The following DIABLO variants were observed in gnomAD, a reference collection of about 807,000 sequenced individuals.
DIABLO encodes the protein diablo IAP-binding mitochondrial protein.
Under a neutral mutation model 31.7 loss-of-function variants are expected in DIABLO, and 32 were observed. The observed-to-expected ratio is 1.01, with a 90% CI of 0.76 to 1.35. The LOEUF (loss-of-function observed/expected upper bound fraction) is 1.35. DIABLO is among the 40% of genes most tolerant of loss of function. The pLI, the probability that DIABLO is intolerant of heterozygous loss-of-function variation, is 0.00. For synonymous variants in DIABLO, 132 were observed against 103.2 expected, an observed-to-expected ratio of 1.28 and a Z score of -1.69; for missense variants, 316 against 286.4, an observed-to-expected ratio of 1.10 and a Z score of -0.75.
rs890603158 is a variant in DIABLO at position 122,214,116 on chromosome 12, CA to C, written c.523+2371del. Among the ~76,000 whole-genome samples, 3 of 151,804 alleles carry C rather than the reference CA, an allele frequency of 2.0e-5. 1 individual carries two copies. Among genetic ancestry groups the C allele is most frequent in the Non-Finnish European group, 2.9e-5 (2 of 67,900 alleles). ...AAACAAACAAAAAAACTAACAACAACAAAAAAAACCTTCTAAAAGAATTATT... is the reference window on the plus strand; with the variant it reads ...AAACAAACAAAAAAACTAACAACAACAAAAAAACCTTCTAAAAGAATTATT... On this transcript the variant is annotated intron_variant, in intron 5 of 5. Coordinates refer to ENST00000464942, the MANE Select transcript of DIABLO (RefSeq NM_001371333.1).
At chr12:122,210,547 AT>A (rs1006076034) in intron 5 of DIABLO, among the ~76,000 whole-genome samples, 1 of 150,706 alleles carries the variant, frequency 6.6e-6, no homozygotes, top group African/African-American at 2.4e-5. Flanking sequence ...TTATTTATTT[AT>A]TTTTTTTATT....
intron 5 of DIABLO, among the ~76,000 whole-genome samples, chr12:122,215,514 G>C (rs1315666215): frequency 6.6e-6 from 1 of 152,172 alleles, no homozygotes; most frequent in Non-Finnish European, 1.5e-5. Flanking sequence ...TGAGGCAGGA[G>C]AATCACTTGA....
chr12:122,209,772 C>A (rs1471168121), intron 5 of DIABLO: 3 of 703,272 alleles, frequency 4.3e-6, no homozygotes, highest in Admixed American at 2.0e-5. Context: ...TTTGATCTTA[C>A]TGCATTAACA....
intron 5 of DIABLO, among the ~76,000 whole-genome samples, chr12:122,215,821 G>A (rs1023471676): frequency 1.4e-5 from 2 of 143,330 alleles, no homozygotes; most frequent in African/African-American, 5.1e-5. Flanking sequence ...TAGACTGCTT[G>A]AGCCTAGGAT....
Position 122,208,317 on chromosome 12 carries a change from G to T in DIABLO, c.*64C>A, listed in dbSNP as rs775246254. ...GCACAGACAGTCATGCCAACCCTGG[G>T]CAGGGTGGCATCTGCCCCTGCTTTC... is the stretch of plus-strand genomic sequence containing the variant. On this transcript the variant is annotated 3_prime_UTR_variant, in exon 6 of 6. Transcript: ENST00000464942. The T allele has an allele frequency of 2.5e-6, 4 of 1,570,942 alleles. No individual in the cohort carries two copies. Among genetic ancestry groups the T allele is most frequent in the Non-Finnish European group, 3.5e-6 (4 of 1,148,962 alleles).
chr12:122,208,404 C>A lies in DIABLO; in HGVS notation c.697G>T (p.Glu233Ter). 1 of 1,612,860 alleles carries A rather than the reference C, an allele frequency of 6.2e-7. No individual in the cohort carries two copies. The highest frequency in any genetic ancestry group is 2.2e-5 in the East Asian group (1 of 44,888). ...EGEERAESEQ[E>*]AYLRED ...CCTCAATCCTCACGCAGGTAGGCCT[C>A]CTGCTCCGACTCAGCCCGCTCCTCC... The change falls in exon 6 of 6, where the codon GAG (glutamate) becomes TAG (stop). Residue 233 changes from glutamate to a stop codon, truncating the protein, a stop_gained. Transcript: ENST00000464942. LOFTEE classifies it high-confidence loss of function.
At chr12:122,224,366 C>A in intron 2 of DIABLO, 146 bp downstream of exon 2, 3 of 1,186,546 alleles carry the variant, frequency 2.5e-6, no homozygotes, top group Non-Finnish European at 3.7e-6. Flanking sequence ...AATATATCTG[C>A]TCAACTGTGA....
intron 5 of DIABLO, chr12:122,208,882 T>G (rs1477793453): frequency 4.5e-5 from 20 of 443,296 alleles, no homozygotes; most frequent in Non-Finnish European, 7.3e-5. Flanking sequence ...TTGATTAATT[T>G]TTTTAACTAC....
At chr12:122,216,666 A>G in intron 4 of DIABLO, 82 bp from the exon 5 acceptor site, 1 of 1,547,624 alleles carries the variant, frequency 6.5e-7, no homozygotes, top group Non-Finnish European at 8.9e-7. Context: ...GATTTAGAGA[A>G]CACTGATTAT....
intron 5 of DIABLO, among the ~76,000 whole-genome samples, chr12:122,215,465 G>A (rs1387015866): frequency 2.6e-5 from 4 of 152,068 alleles, no homozygotes; most frequent in South Asian, 2.1e-4. Context: ...CTAGCTGGGC[G>A]TGGTGGCGGG....
chr12:122,216,358 T>C (rs1334176325), intron 5 of DIABLO, 130 bp downstream of exon 5: 19 of 761,352 alleles, frequency 2.5e-5, no homozygotes, highest in Non-Finnish European at 3.9e-5. Flanking sequence ...ATGGGGAAAA[T>C]TTCTCAAAGT....
chr12:122,208,620 C>G, intron 5 of DIABLO, 43 bp from the exon 6 acceptor site: 5 of 1,594,916 alleles, frequency 3.1e-6, no homozygotes, highest in Non-Finnish European at 3.4e-6. Flanking sequence ...CCGTGCAGGG[C>G]GCGGAAGGCT....
At position 122,207,981 on chromosome 12, in the gene DIABLO, C is replaced by T. The variant is rs2136077831; in HGVS notation, c.*400G>A. 4.2e-6 allele frequency: 2 copies of T among 470,814 alleles called. No individual in the cohort carries two copies. 29.2% of individuals were successfully genotyped at this position (470,814 alleles called of 1,614,324 possible). ...CCCCCTGCCACAACTGGCATCCCAACAGAGGGAACAAGTACTAAATCATTT... is the reference window on the plus strand; with the variant it reads ...CCCCCTGCCACAACTGGCATCCCAATAGAGGGAACAAGTACTAAATCATTT... On this transcript the variant is annotated 3_prime_UTR_variant, in exon 6 of 6. Coordinates refer to ENST00000464942, the MANE Select transcript of DIABLO (RefSeq NM_001371333.1).
In DIABLO at chr12:122,207,744, G is replaced by A. The variant is rs193049718; in HGVS notation, c.*637C>T. ...TCTCCTTTGGATACAATAGAGAAACGGAAAGAAAGGAAGGAACAAGAGGCC... is the reference window on the plus strand; with the variant it reads ...TCTCCTTTGGATACAATAGAGAAACAGAAAGAAAGGAAGGAACAAGAGGCC... On this transcript the variant is annotated 3_prime_UTR_variant, in exon 6 of 6. Transcript: ENST00000464942. The A allele has an allele frequency of 2.7e-4, 133 of 490,128 alleles. No homozygotes were observed. In the Middle Eastern group the frequency reaches 3.6e-3, roughly 13 times the overall value. 30.4% of individuals were successfully genotyped at this position (490,128 alleles called of 1,614,324 possible).
At chr12:122,215,800 G>A (rs1954196716) in intron 5 of DIABLO, among the ~76,000 whole-genome samples, 1 of 151,252 alleles carries the variant, frequency 6.6e-6, no homozygotes, top group Non-Finnish European at 1.5e-5. Flanking sequence ...ACTTTGGGAG[G>A]CCAAGGTGGG....
rs765556386 is a variant in DIABLO, at chr12:122,226,017, T to A, written c.-3A>T. 1.9e-6 allele frequency: 3 copies of A among 1,603,110 alleles called. No individual in the cohort carries two copies. Among genetic ancestry groups the A allele is most frequent in the Non-Finnish European group, 2.6e-6 (3 of 1,175,868 alleles). ...AGCCAACTCTTCAGAGCCGCCATTG[T>A]GCAGCGCGCGGACGCCAGACGCACA... On this transcript the variant is annotated 5_prime_UTR_variant, in exon 1 of 6. Transcript: ENST00000464942.
chr12:122,208,041 C>G lies in DIABLO; in HGVS notation c.*340G>C, dbSNP rs1953969505. On this transcript the variant is annotated 3_prime_UTR_variant, in exon 6 of 6. Coordinates refer to ENST00000464942, the MANE Select transcript of DIABLO (RefSeq NM_001371333.1). ...TAAATAAGACTGAAAACAGGTTAAA[C>G]AGTTGCTGAACTTAAGGGCATGACA... The G allele has an allele frequency of 1.9e-6, 1 of 540,156 alleles. No individual in the cohort carries two copies. Among genetic ancestry groups the G allele is most frequent in the South Asian group, 1.5e-5 (1 of 65,238 alleles). The allele number at this position is 540,156 out of a possible 1,614,324, so 33.5% of individuals were successfully genotyped here.
At chr12:122,225,047 T>C (rs562013417) in intron 1 of DIABLO, 3 of 361,190 alleles carry the variant, frequency 8.3e-6, no homozygotes, top group Admixed American at 7.9e-5. Flanking sequence ...ACCCCATCTC[T>C]ACTTAAAACA....
intron 5 of DIABLO, among the ~76,000 whole-genome samples, chr12:122,212,309 CAG>C (rs1197464147): frequency 1.3e-5 from 2 of 152,114 alleles, no homozygotes; most frequent in Non-Finnish European, 2.9e-5. Context: ...GTTTTACACT[CAG>C]AACTTTTGAA....
Sources: allele counts gnomAD v4.1 joint callset (sites outside exome capture counted in the v4.1 genomes callset), GRCh38; gene constraint gnomAD v4.1.1; transcripts MANE v1.5; gene names NCBI Gene and HGNC (gene_info 2026-07-23, HGNC 2026-07-21).